Variants in ADAP2 observed in about 807,000 individuals in gnomAD.
The protein encoded by ADAP2 is arf-GAP with dual PH domain-containing protein 2.
Under a neutral mutation model 54.9 loss-of-function variants are expected in ADAP2, and 42 were observed. The observed-to-expected ratio is 0.77, with a 90% CI of 0.60 to 0.99. The LOEUF is 0.99. Among genes scored for constraint, ADAP2 ranks in the 50% least tolerant of loss-of-function variants. The probability of loss-of-function intolerance (pLI) is 0.00; values close to 1 mark genes in which losing one functional copy is unlikely to be tolerated. For synonymous variants in ADAP2, 177 were observed against 180.1 expected (o/e 0.98, Z 0.14); for missense variants, 429 against 480.4 (o/e 0.89, Z 1.00).
rs779341989 is a variant in ADAP2 at position 30,922,010 on chromosome 17, C to A, written c.-5C>A. On this transcript the variant is annotated 5_prime_UTR_variant, in exon 1 of 11. Coordinates refer to ENST00000330889, the MANE Select transcript of ADAP2 (RefSeq NM_018404.3). ...CTGAGCCCCGCTGAGCCCGCCGGGC[C>A]GGCCATGGGCGATCGCGAGCGCAAC... is the stretch of plus-strand genomic sequence containing the variant. The A allele has an allele frequency of 1.6e-6, 2 of 1,269,628 alleles. No individual in the cohort carries two copies. The highest frequency in any genetic ancestry group is 4.2e-5 in the Admixed American group (1 of 23,632). 78.6% of individuals were successfully genotyped at this position (1,269,628 alleles called of 1,614,324 possible).
chr17:30,931,960 C>A lies in ADAP2; in HGVS notation c.389C>A (p.Ser130Ter). The A allele has an allele frequency of 6.2e-7, 1 of 1,613,464 alleles. No homozygotes were observed. Among genetic ancestry groups the A allele is most frequent in the Non-Finnish European group, 8.5e-7 (1 of 1,179,578 alleles). The change falls in exon 4 of 11, where the codon TCG (serine) becomes TAG (stop). Residue 130 changes from serine to a stop codon, truncating the protein, a stop_gained. Coordinates refer to ENST00000330889, the MANE Select transcript of ADAP2 (RefSeq NM_018404.3). LOFTEE classifies it high-confidence loss of function. ...REFMADGETI[S>*]LPGNREGFLW... ...TTTATGGCTGATGGGGAAACCATCT[C>A]GCTCCCAGGTAAAGTTATTTCCATC... is the stretch of plus-strand genomic sequence containing the variant.
intron 5 of ADAP2, among the ~76,000 whole-genome samples, chr17:30,944,165 T>A (rs1182898482): frequency 6.6e-6 from 1 of 152,098 alleles, no homozygotes; most frequent in Non-Finnish European, 1.5e-5. Context: ...GCACTCCAGC[T>A]GGGCAGCAAG....
rs1242101181 is a variant in ADAP2 at position 30,958,321 on chromosome 17, G to GCC, written c.*452_*453insCC. 6.4e-6 allele frequency: 1 copy of GCC among 156,980 alleles called. No individual in the cohort carries two copies. The highest frequency in any genetic ancestry group is 2.4e-5 in the African/African-American group (1 of 41,580). The allele number at this position is 156,980 out of a possible 1,614,324, so 9.7% of individuals were successfully genotyped here. A position where few individuals can be genotyped will look rare whatever the true frequency, so the allele number is the denominator to read the frequency against. On this transcript the variant is annotated 3_prime_UTR_variant, in exon 11 of 11. Coordinates refer to ENST00000330889, the MANE Select transcript of ADAP2 (RefSeq NM_018404.3). ...CATCTGACCCAGACTCTTCAAAAATGAAGAGTGAAAGATAAAGTAGTCAAT... is the reference window on the plus strand; with the variant it reads ...CATCTGACCCAGACTCTTCAAAAATGCCAAGAGTGAAAGATAAAGTAGTCAAT...
chr17:30,947,671 C>T (rs1912777674), intron 6 of ADAP2, among the ~76,000 whole-genome samples: 1 of 152,098 alleles, frequency 6.6e-6, no homozygotes, highest in African/African-American at 2.4e-5. Flanking sequence ...CTTAATGAAC[C>T]CCAGGACAAG....
rs765995459 is a variant in ADAP2 at position 30,958,167 on chromosome 17, G to A, written c.*298G>A. ...AGAACTTTCTCACATCTGAAATGGA[G>A]GCATTGCAATGAAAAGGCACCCACA... On this transcript the variant is annotated 3_prime_UTR_variant, in exon 11 of 11. Transcript: ENST00000330889. 6 of 388,474 alleles carry A rather than the reference G, an allele frequency of 1.5e-5. No homozygotes were observed. The highest frequency in any genetic ancestry group is 2.8e-5 in the Non-Finnish European group (6 of 213,404). 24.1% of individuals were successfully genotyped at this position (388,474 alleles called of 1,614,324 possible).
At chr17:30,925,033 C>T (rs56318904) in intron 2 of ADAP2, among the ~76,000 whole-genome samples, 15,978 of 151,430 alleles carry the variant, frequency 0.11, 964 homozygotes, top group South Asian at 0.24. Flanking sequence ...CCACCATGCT[C>T]GGCTAATTTT....
chr17:30,934,062 G>C, intron 4 of ADAP2, 123 bp from the exon 5 acceptor site: 4 of 665,332 alleles, frequency 6.0e-6, no homozygotes, highest in South Asian at 5.7e-5. Flanking sequence ...AGGGAAGTCT[G>C]AGTGGAGATA....
chr17:30,922,897 C>G (rs373719879), intron 1 of ADAP2, 43 bp from the exon 2 acceptor site: 1 of 1,601,996 alleles, frequency 6.2e-7, no homozygotes, highest in East Asian at 2.3e-5. Context: ...GGTTTCTTCA[C>G]CGCGCTTTCC....
chr17:30,927,572 G>A (rs988463094), intron 3 of ADAP2, among the ~76,000 whole-genome samples: 3 of 149,690 alleles, frequency 2.0e-5, no homozygotes, highest in Non-Finnish European at 3.0e-5. Context: ...CCAAGATGGC[G>A]CCACTGCACT....
Position 30,932,034 on chromosome 17 carries a change from A to C in ADAP2, c.397+66A>C, listed in dbSNP as rs1224707423. 4 of 1,458,888 alleles carry C rather than the reference A, an allele frequency of 2.7e-6. No individual in the cohort carries two copies. The African/African-American group carries it at 5.6e-5, about 20-fold the overall frequency. The allele number at this position is 1,458,888 out of a possible 1,614,324, so 90.4% of individuals were successfully genotyped here. A position where few individuals can be genotyped will look rare whatever the true frequency, so the allele number is the denominator to read the frequency against. ...TGAGCTCTAGAAAAACCAAGTGCCT[A>C]AATATTAGGAGCAAGATCCATCCAA... On this transcript the variant is annotated intron_variant, in intron 4 of 10. Transcript: ENST00000330889.
chr17:30,953,644 C>A (rs1904845401), intron 8 of ADAP2, among the ~76,000 whole-genome samples: 2 of 152,058 alleles, frequency 1.3e-5, no homozygotes, highest in Admixed American at 1.3e-4. Context: ...TCAAGCGATT[C>A]TCCTGCCTCA....
At chr17:30,939,645 C>A (rs1912119773) in intron 5 of ADAP2, among the ~76,000 whole-genome samples, 2 of 151,844 alleles carry the variant, frequency 1.3e-5, no homozygotes, top group African/African-American at 4.8e-5. Flanking sequence ...GTGGCAGGCG[C>A]CTGTAGTCGC....
intron 6 of ADAP2, among the ~76,000 whole-genome samples, chr17:30,948,574 A>G (rs1346582953): frequency 6.6e-6 from 1 of 152,130 alleles, no homozygotes; most frequent in Non-Finnish European, 1.5e-5. Flanking sequence ...TCCATCTAAA[A>G]AAAAATAAAT....
At chr17:30,924,370 C>CAA (rs796527911) in intron 2 of ADAP2, among the ~76,000 whole-genome samples, 3 of 131,060 alleles carry the variant, frequency 2.3e-5, no homozygotes, top group East Asian at 2.2e-4. Context: ...GACCCTACCT[C>CAA]AAAAAAAAAA....
chr17:30,955,903 TA>T (rs1905032593), intron 9 of ADAP2, among the ~76,000 whole-genome samples: 1 of 151,700 alleles, frequency 6.6e-6, no homozygotes, highest in Non-Finnish European at 1.5e-5. Context: ...AAACAATTCA[TA>T]ATAATAATTA....
chr17:30,941,001 T>C (rs1477040893), intron 5 of ADAP2, among the ~76,000 whole-genome samples: 1 of 152,248 alleles, frequency 6.6e-6, no homozygotes, highest in Non-Finnish European at 1.5e-5. Context: ...ATGCTTTGTC[T>C]TCAGGATCAT....
intron 10 of ADAP2, chr17:30,956,910 T>C (rs544681551): frequency 5.8e-6 from 1 of 171,012 alleles, no homozygotes; most frequent in African/African-American, 2.4e-5. Context: ...AGGCTATTTC[T>C]AGTGGCTTCT....
At chr17:30,937,140 G>A (rs1466596150) in intron 5 of ADAP2, among the ~76,000 whole-genome samples, 1 of 151,828 alleles carries the variant, frequency 6.6e-6, no homozygotes, top group Non-Finnish European at 1.5e-5. Flanking sequence ...TGGCCAGGCT[G>A]GTCTTGAATT....
At chr17:30,944,050 G>A (rs1026029673) in intron 5 of ADAP2, among the ~76,000 whole-genome samples, 1 of 151,596 alleles carries the variant, frequency 6.6e-6, no homozygotes, top group East Asian at 1.9e-4. Context: ...AAATTAGCTG[G>A]GTGTGGTGGC....
Sources: allele counts gnomAD v4.1 joint callset (sites outside exome capture counted in the v4.1 genomes callset), GRCh38; gene constraint gnomAD v4.1.1; transcripts MANE v1.5; gene names NCBI Gene and HGNC (gene_info 2026-07-23, HGNC 2026-07-21).